The following WNT7A variants were observed in gnomAD, a reference collection of about 807,000 sequenced individuals.
The protein encoded by WNT7A is Wnt family member 7A.
A neutral mutation model predicts 28.2 loss-of-function variants in WNT7A; 16 were observed. That is an observed-to-expected ratio of 0.57 (90% CI 0.38 to 0.86). WNT7A has a LOEUF of 0.86. Ranked by LOEUF, WNT7A falls within the 40% of genes least tolerant of loss-of-function variation. The probability of loss-of-function intolerance (pLI) is 0.00; values close to 1 mark genes in which losing one functional copy is unlikely to be tolerated. For missense variants in WNT7A, 411 were observed against 489.7 expected, an observed-to-expected ratio of 0.84 and a Z score of 1.52; for synonymous variants, 190 against 195.9, an observed-to-expected ratio of 0.97 and a Z score of 0.25.
At chr3:13,822,864 C>T (rs972252475) in intron 3 of WNT7A, among the ~76,000 whole-genome samples, 3 of 152,166 alleles carry the variant, frequency 2.0e-5, no homozygotes, top group African/African-American at 4.8e-5. Context: ...AGCAATGGCC[C>T]TAGTGCAGAA....
intron 3 of WNT7A, among the ~76,000 whole-genome samples, chr3:13,842,641 T>C (rs1434661001): frequency 6.6e-6 from 1 of 152,208 alleles, no homozygotes; most frequent in East Asian, 1.9e-4. Context: ...AAAAGTGTCA[T>C]GGCCAAGGCC....
chr3:13,855,681 G>T (rs1372811937), intron 2 of WNT7A, among the ~76,000 whole-genome samples: 1 of 152,154 alleles, frequency 6.6e-6, no homozygotes, highest in Non-Finnish European at 1.5e-5. Context: ...CCTGCAAAAT[G>T]GGTTCAAGGG....
intron 1 of WNT7A, chr3:13,877,046 G>C (rs1175759889): frequency 6.6e-6 from 1 of 152,240 alleles, no homozygotes; most frequent in Non-Finnish European, 1.5e-5. Flanking sequence ...CTAAATGACT[G>C]CTGAATAAAT....
At chr3:13,824,596 G>C (rs990529564) in intron 3 of WNT7A, among the ~76,000 whole-genome samples, 1 of 152,076 alleles carries the variant, frequency 6.6e-6, no homozygotes, top group Non-Finnish European at 1.5e-5. Flanking sequence ...GATACACCTG[G>C]CTCCTCTGCA....
intron 2 of WNT7A, among the ~76,000 whole-genome samples, chr3:13,868,331 C>G (rs963996532): frequency 6.6e-6 from 1 of 151,716 alleles, no homozygotes; most frequent in African/African-American, 2.4e-5. Flanking sequence ...CTCTATAAGA[C>G]AACAGAAAAG....
intron 2 of WNT7A, among the ~76,000 whole-genome samples, chr3:13,859,724 G>A (rs897018781): frequency 6.6e-6 from 1 of 152,216 alleles, no homozygotes; most frequent in African/African-American, 2.4e-5. Context: ...AATAGCAGTG[G>A]AATGAATAAA....
At chr3:13,850,274 G>A (rs1046252458) in intron 3 of WNT7A, among the ~76,000 whole-genome samples, 11 of 152,154 alleles carry the variant, frequency 7.2e-5, no homozygotes, top group African/African-American at 2.4e-4. Flanking sequence ...CACTCTATCT[G>A]GTCAAATATG....
At position 13,869,449 on chromosome 3, in the gene WNT7A, G is replaced by A. The variant is rs115177590; in HGVS notation, c.298+5498C>T. Among the ~76,000 whole-genome samples the A allele has an allele frequency of 6.9e-3, 587 of 85,100 alleles. 7 individuals are homozygous for A. The highest frequency in any genetic ancestry group is 0.025 in the African/African-American group (547 of 22,076). 55.8% of individuals were successfully genotyped at this position (85,100 alleles called of 152,430 possible). On this transcript the variant is annotated intron_variant, in intron 2 of 3. Transcript: ENST00000285018. ...AAGAAAAGAAGAAAGAAAAGAAAAA[G>A]AAAGAAAGACAGAAAGAAAGAAAGG...
At chr3:13,856,884 GAAGAAGA>G (rs1694741454) in intron 2 of WNT7A, among the ~76,000 whole-genome samples, 1 of 71,834 alleles carries the variant, frequency 1.4e-5, no homozygotes, top group African/African-American at 7.7e-5. Context: ...AGAAGAGGAA[GAAGAAGA>G]AAAAGAAGAA....
At chr3:13,837,509 G>T (rs575381757) in intron 3 of WNT7A, among the ~76,000 whole-genome samples, 1 of 151,198 alleles carries the variant, frequency 6.6e-6, no homozygotes, top group South Asian at 2.1e-4. Flanking sequence ...TGCCTCCCAG[G>T]AGACACCCAG....
chr3:13,858,381 G>C lies in WNT7A; in HGVS notation c.299-3578C>G, dbSNP rs572288882. Among the ~76,000 whole-genome samples the C allele has an allele frequency of 1.3e-3, 205 of 152,336 alleles. 2 individuals carry two copies. Among genetic ancestry groups the C allele is most frequent in the Non-Finnish European group, 2.6e-3 (178 of 68,024 alleles). On this transcript the variant is annotated intron_variant, in intron 2 of 3. Transcript: ENST00000285018. ...GGGCTGTCAGCCCAAGACTCCTGTGGTAATTTCGTGTGTCCTCTGCTCTAC... is the reference window on the plus strand; with the variant it reads ...GGGCTGTCAGCCCAAGACTCCTGTGCTAATTTCGTGTGTCCTCTGCTCTAC...
chr3:13,856,880 G>GGAAGAAGAAGAAGAAGAAGAAGAA (rs1491101426), intron 2 of WNT7A, among the ~76,000 whole-genome samples: 1 of 91,672 alleles, frequency 1.1e-5, no homozygotes, highest in Non-Finnish European at 2.1e-5. Flanking sequence ...AGGAAGAAGA[G>GGAAGAAGAAGAAGAAGAAGAAGAA]GAAGAAGAAG....
intron 3 of WNT7A, among the ~76,000 whole-genome samples, chr3:13,841,128 G>A (rs1030529042): frequency 9.9e-5 from 15 of 152,170 alleles, no homozygotes; most frequent in Admixed American, 9.2e-4. Flanking sequence ...AATACACCAG[G>A]GGCTGGCCTC....
At chr3:13,861,538 C>A (rs541221823) in intron 2 of WNT7A, among the ~76,000 whole-genome samples, 5 of 152,186 alleles carry the variant, frequency 3.3e-5, no homozygotes, top group African/African-American at 1.2e-4. Flanking sequence ...TGACACAGGG[C>A]AGTGATGGGA....
intron 3 of WNT7A, among the ~76,000 whole-genome samples, chr3:13,830,191 AG>A (rs1694255799): frequency 6.6e-6 from 1 of 152,136 alleles, no homozygotes; most frequent in Non-Finnish European, 1.5e-5. Flanking sequence ...TCCTCCAAAA[AG>A]ATCCAAGCCA....
At position 13,854,453 on chromosome 3, in the gene WNT7A, C is replaced by T. The variant is rs116400918; in HGVS notation, c.570+79G>A. ...GAGCCCTGTGGCTCCTCAACAGACA[C>T]CCAGCACCAGATGTTACAAACAAGC... On this transcript the variant is annotated intron_variant, in intron 3 of 3. Transcript: ENST00000285018. 1.7e-3 allele frequency: 2,717 copies of T among 1,606,798 alleles called. 35 individuals carry two copies. The African/African-American group carries it at 0.029, about 17-fold the overall frequency.
At position 13,818,923 on chromosome 3, in the gene WNT7A, A is replaced by C. The variant is rs1016978165; in HGVS notation, c.*21T>G. On this transcript the variant is annotated 3_prime_UTR_variant, in exon 4 of 4. Transcript: ENST00000285018. ...TCCCAGCAATCTGACTTGCAGCGGG[A>C]GGGTGGTGTGCACACGGGGCTCACT... is the stretch of plus-strand genomic sequence containing the variant. The C allele has an allele frequency of 6.4e-7, 1 of 1,550,602 alleles. No individual in the cohort carries two copies. Among genetic ancestry groups the C allele is most frequent in the East Asian group, 2.3e-5 (1 of 44,112 alleles).
chr3:13,840,947 G>T (rs1288929138), intron 3 of WNT7A, among the ~76,000 whole-genome samples: 1 of 152,072 alleles, frequency 6.6e-6, no homozygotes, highest in African/African-American at 2.4e-5. Flanking sequence ...ACCAAATCCA[G>T]TTCATGTTGT....
rs752933627 is a variant in WNT7A at position 13,874,996 on chromosome 3, G to T, written c.249C>A (p.Asn83Lys). ...CQFQFRNGRWNCSALGERTVF... is the reference protein window; with the variant it reads ...CQFQFRNGRWKCSALGERTVF... ...CGGTGCGCTCTCCCAGTGCAGAGCA[G>T]TTCCAGCGGCCATTGCGGAACTGAA... Residue 83 changes from asparagine (N) to lysine (K), a missense_variant, in exon 2 of 4, where the codon AAC becomes AAA. Physicochemically the swap from Asn to Lys is moderately conservative, Grantham distance 94. Transcript: ENST00000285018. The T allele has an allele frequency of 6.2e-7, 1 of 1,614,112 alleles. No homozygotes were observed. Among genetic ancestry groups the T allele is most frequent in the African/African-American group, 1.3e-5 (1 of 74,952 alleles).
Sources: gnomAD v4.1 joint callset for allele counts (sites outside exome capture counted in the v4.1 genomes callset) on GRCh38, gnomAD v4.1.1 for gene constraint, MANE v1.5 for transcripts, NCBI Gene and HGNC (gene_info 2026-07-23, HGNC 2026-07-21) for gene names.